CACNA1B: variants seen among roughly 807,000 people sequenced by gnomAD.
CACNA1B encodes the protein calcium voltage-gated channel subunit alpha1 B, also known as voltage-dependent N-type calcium channel subunit alpha-1B.
CACNA1B carries 70 observed loss-of-function variants against 247.2 expected under a neutral mutation model. The observed-to-expected ratio is 0.28, with a 90% CI of 0.23 to 0.35. The LOEUF (loss-of-function observed/expected upper bound fraction) is 0.35, where lower values mean the gene tolerates loss of function less well. Among genes scored for constraint, CACNA1B ranks in the 10% least tolerant of loss-of-function variants. CACNA1B has a pLI of 1.00. For missense variants in CACNA1B, 2,367 were observed against 3,197.4 expected (o/e 0.74, Z 6.26); for synonymous variants, 1,231 against 1,294.4 (o/e 0.95, Z 1.05).
chr9:137,916,508 G>A (rs1957412792), intron 5 of CACNA1B, among the ~76,000 whole-genome samples: 1 of 152,164 alleles, frequency 6.6e-6, no homozygotes, highest in African/African-American at 2.4e-5. Flanking sequence ...GTAGAAGGAT[G>A]TCCGCCCTGT....
intron 3 of CACNA1B, among the ~76,000 whole-genome samples, chr9:137,896,200 C>G (rs1269853177): frequency 1.4e-5 from 2 of 145,510 alleles, no homozygotes; most frequent in Non-Finnish European, 3.0e-5. Context: ...GATTGCACCA[C>G]TGCAGTCCAG....
At chr9:137,976,356 C>CCAGTGGAGCT (rs1958221382) in intron 12 of CACNA1B, among the ~76,000 whole-genome samples, 1 of 152,272 alleles carries the variant, frequency 6.6e-6, no homozygotes, top group Admixed American at 6.5e-5. Flanking sequence ...CAGTCTCTCC[C>CCAGTGGAGCT]CAGTGGAGCT....
chr9:137,961,695 C>T (rs772953881), intron 10 of CACNA1B, among the ~76,000 whole-genome samples: 1 of 152,144 alleles, frequency 6.6e-6, no homozygotes, highest in East Asian at 1.9e-4. Flanking sequence ...GTTGAACCAA[C>T]CTTGCATCCC....
Position 137,917,804 on chromosome 9 carries a change from T to C in CACNA1B, c.966+373T>C, listed in dbSNP as rs1957429264. 6.6e-6 allele frequency among the ~76,000 whole-genome samples: 1 copy of C among 152,268 alleles called. No homozygotes were observed. The highest frequency in any genetic ancestry group is 2.4e-5 in the African/African-American group (1 of 41,474). On this transcript the variant is annotated intron_variant, in intron 6 of 46. Coordinates refer to ENST00000371372, the MANE Select transcript of CACNA1B (RefSeq NM_000718.4). This position sits in a 1 kb window ranked among gnomAD's most constrained non-coding sequence, Gnocchi z 5.5. The stretch of plus-strand genomic sequence containing the variant: ...GTTAGGCCCTCTGGGAAGTGTTTTA[T>C]TCCTGTTGACTCCTCTCAGGAACCT...
chr9:137,907,442 T>C (rs1957311451), intron 3 of CACNA1B, among the ~76,000 whole-genome samples: 1 of 152,222 alleles, frequency 6.6e-6, no homozygotes, highest in Non-Finnish European at 1.5e-5. Flanking sequence ...AGTGGCCAAA[T>C]ACTCTCCAAA....
intron 41 of CACNA1B, among the ~76,000 whole-genome samples, chr9:138,114,943 G>A (rs1589136680): frequency 6.6e-6 from 1 of 152,128 alleles, no homozygotes; most frequent in Admixed American, 6.5e-5. Context: ...CCATCTTCCC[G>A]ATGTCGTCCT....
chr9:138,013,176 A>G lies in CACNA1B; in HGVS notation c.2208A>G (p.Gln736=). 3 of 1,612,614 alleles carry G rather than the reference A, an allele frequency of 1.9e-6. No homozygotes were observed. Among genetic ancestry groups the G allele is most frequent in the Middle Eastern group, 1.7e-4 (1 of 6,054 alleles). The change falls in exon 18 of 47, where the codon CAA becomes CAG. Residue 736 remains glutamine (Q), a synonymous_variant. Coordinates refer to ENST00000371372, the MANE Select transcript of CACNA1B (RefSeq NM_000718.4). ...CAGCCAATCAGAAGCTTGCTCTGCA[A>G]AAGGCCAAAGAAGTGGCTGAAGTCA... The part of the protein sequence containing the change: ...EEAANQKLAL[Q]KAKEVAEVSP...
rs1957935539 is a variant in CACNA1B at position 137,955,484 on chromosome 9, C to T, written c.1071-214C>T. On this transcript the variant is annotated intron_variant, in intron 7 of 46. Transcript: ENST00000371372. This position sits in a 1 kb window ranked among gnomAD's most constrained non-coding sequence, Gnocchi z 6.9. The stretch of plus-strand genomic sequence containing the variant: ...GGCCACCTGGGCTGCTCATGGAGGC[C>T]CTCTGGGTGCCCAGGGAGCTGTCTG... Among the ~76,000 whole-genome samples, 1 of 152,210 alleles carries T rather than the reference C, an allele frequency of 6.6e-6. No individual in the cohort carries two copies. Among genetic ancestry groups the T allele is most frequent in the African/African-American group, 2.4e-5 (1 of 41,462 alleles).
At chr9:138,110,149 C>G (rs938706343) in intron 39 of CACNA1B, among the ~76,000 whole-genome samples, 10 of 151,882 alleles carry the variant, frequency 6.6e-5, no homozygotes, top group African/African-American at 2.2e-4. Context: ...CAGTCTTGCT[C>G]TGTTGCCCAG....
chr9:138,013,809 C>T (rs1238964313), intron 18 of CACNA1B, among the ~76,000 whole-genome samples: 3 of 152,254 alleles, frequency 2.0e-5, no homozygotes, highest in African/African-American at 4.8e-5. Flanking sequence ...AAAGGCTGCA[C>T]TGAGCCGAGC....
chr9:137,919,397 A>G lies in CACNA1B; in HGVS notation c.966+1966A>G, dbSNP rs1957451629. Reference sequence around the variant, plus strand: ...TGAGGTCTAGAAACCAGACATGCAGATGCTACAACACCTTGGAAGCTTGGC... The same window carrying G: ...TGAGGTCTAGAAACCAGACATGCAGGTGCTACAACACCTTGGAAGCTTGGC... On this transcript the variant is annotated intron_variant, in intron 6 of 46. Coordinates refer to ENST00000371372, the MANE Select transcript of CACNA1B (RefSeq NM_000718.4). The surrounding 1 kb of genome is among the most constrained non-coding windows in gnomAD (Gnocchi z 4.6). Among the ~76,000 whole-genome samples the G allele has an allele frequency of 6.6e-6, 1 of 152,242 alleles. No homozygotes were observed. Among genetic ancestry groups the G allele is most frequent in the African/African-American group, 2.4e-5 (1 of 41,454 alleles).
rs1959347417 is a variant in CACNA1B, at chr9:138,052,930, A to C, written c.3807+742A>C. 6.6e-6 allele frequency among the ~76,000 whole-genome samples: 1 copy of C among 152,210 alleles called. No homozygotes were observed. Among genetic ancestry groups the C allele is most frequent in the African/African-American group, 2.4e-5 (1 of 41,470 alleles). ...ACGGTTGTGGCCCCACCTTCCCGTCACAGCTAGATCAGAGCAGCCTGTGAG... is the reference window on the plus strand; with the variant it reads ...ACGGTTGTGGCCCCACCTTCCCGTCCCAGCTAGATCAGAGCAGCCTGTGAG... On this transcript the variant is annotated intron_variant, in intron 25 of 46. Transcript: ENST00000371372. The surrounding 1 kb of genome is among the most constrained non-coding windows in gnomAD (Gnocchi z 5.1).
intron 6 of CACNA1B, among the ~76,000 whole-genome samples, chr9:137,934,783 T>C (rs1429175105): frequency 6.6e-6 from 1 of 152,098 alleles, no homozygotes; most frequent in Non-Finnish European, 1.5e-5. Flanking sequence ...GGGAGAGTAC[T>C]ACCTACATCA....
At chr9:138,091,885 A>G (rs1960891640) in intron 36 of CACNA1B, among the ~76,000 whole-genome samples, 1 of 152,188 alleles carries the variant, frequency 6.6e-6, no homozygotes, top group South Asian at 2.1e-4. Flanking sequence ...AAAGAGAAAG[A>G]GTACAAAAGA....
At position 138,065,497 on chromosome 9, in the gene CACNA1B, C is replaced by T. The variant is rs562042781; in HGVS notation, c.4669-4261C>T. ...ACGCTCCTGCAGGCCCAGGCAGTCC[C>T]GGGGCATCTGAGAGCTCTGTGTTGG... On this transcript the variant is annotated intron_variant, in intron 31 of 46. Coordinates refer to ENST00000371372, the MANE Select transcript of CACNA1B (RefSeq NM_000718.4). Among the ~76,000 whole-genome samples the T allele has an allele frequency of 6.6e-5, 10 of 152,266 alleles. No individual in the cohort carries two copies. In the South Asian group the frequency reaches 1.5e-3, roughly 22 times the overall value.
At chr9:138,085,074 TAAA>T in intron 36 of CACNA1B, among the ~76,000 whole-genome samples, 1 of 150,568 alleles carries the variant, frequency 6.6e-6, no homozygotes, top group South Asian at 2.1e-4. Flanking sequence ...ATAATGTTCT[TAAA>T]GAAGTGCAAC....
chr9:138,059,650 C>T lies in CACNA1B; in HGVS notation c.4585-4C>T, dbSNP rs752921236. The T allele has an allele frequency of 1.3e-6, 2 of 1,584,834 alleles. No individual in the cohort carries two copies. The highest frequency in any genetic ancestry group is 1.7e-6 in the Non-Finnish European group (2 of 1,153,458). ...TGGCACTAACTGCTCTTCTTTTTCT[C>T]TAGAACTATTTCAGAGATGCCTGGA... On this transcript the variant is annotated splice_region_variant and splice_polypyrimidine_tract_variant and intron_variant, in intron 30 of 46. Transcript: ENST00000371372. This position sits in a 1 kb window ranked among gnomAD's most constrained non-coding sequence, Gnocchi z 4.2.
At position 138,010,131 on chromosome 9, in the gene CACNA1B, G is replaced by A. The variant is rs1958705911; in HGVS notation, c.2160+54G>A. On this transcript the variant is annotated intron_variant, in intron 17 of 46. Transcript: ENST00000371372. The surrounding 1 kb of genome is among the most constrained non-coding windows in gnomAD (Gnocchi z 5.3). Reference sequence around the variant, plus strand: ...CAGCCCATGTCACTTGAATGTGGCCGCAGCCAGGAAGAGTCTGGGTCCTGG... The same window carrying A: ...CAGCCCATGTCACTTGAATGTGGCCACAGCCAGGAAGAGTCTGGGTCCTGG... 1.7e-5 allele frequency: 24 copies of A among 1,441,404 alleles called. No individual in the cohort carries two copies. The highest frequency in any genetic ancestry group is 4.2e-5 in the African/African-American group (3 of 71,414). The allele number at this position is 1,441,404 out of a possible 1,614,324, so 89.3% of individuals were successfully genotyped here. A position where few individuals can be genotyped will look rare whatever the true frequency, so the allele number is the denominator to read the frequency against.
intron 36 of CACNA1B, among the ~76,000 whole-genome samples, chr9:138,085,940 G>A (rs750501317): frequency 1.3e-5 from 2 of 151,288 alleles, no homozygotes; most frequent in Non-Finnish European, 2.9e-5. Context: ...AATTACTATC[G>A]TGAAAACACA....
Sources: allele counts gnomAD v4.1 joint callset (sites outside exome capture counted in the v4.1 genomes callset), GRCh38; gene constraint gnomAD v4.1.1; non-coding constraint Gnocchi (gnomAD v3.1); transcripts MANE v1.5; gene names NCBI Gene and HGNC (gene_info 2026-07-23, HGNC 2026-07-21).